Variants in TCF12 observed in about 807,000 individuals in gnomAD.
TCF12 encodes the protein DNA-binding protein HTF4.
TCF12 carries 45 observed loss-of-function variants against 86.0 expected under a neutral mutation model. That is an observed-to-expected ratio of 0.52 (90% confidence interval 0.41 to 0.67). The LOEUF (loss-of-function observed/expected upper bound fraction) is 0.67, where lower values mean the gene tolerates loss of function less well. Among genes scored for constraint, TCF12 ranks in the 30% least tolerant of loss-of-function variants. The pLI, the probability that TCF12 is intolerant of heterozygous loss-of-function variation, is 0.00. For synonymous variants in TCF12, 330 were observed against 299.6 expected (o/e 1.10, Z -1.05); for missense variants, 881 against 859.9 (o/e 1.02, Z -0.31).
chr15:57,127,586 A>G (rs2151324528), intron 5 of TCF12, among the ~76,000 whole-genome samples: 1 of 152,314 alleles, frequency 6.6e-6, no homozygotes, highest in East Asian at 1.9e-4. Context: ...CCTGTTACTG[A>G]GTTTGAGAAT....
intron 3 of TCF12, among the ~76,000 whole-genome samples, chr15:57,058,669 A>G (rs1234721846): frequency 6.6e-6 from 1 of 152,230 alleles, no homozygotes; most frequent in African/African-American, 2.4e-5. Flanking sequence ...CTAATGTTAT[A>G]TACTTTAGAT....
At chr15:57,050,577 T>A (rs2067542560) in intron 3 of TCF12, among the ~76,000 whole-genome samples, 1 of 152,196 alleles carries the variant, frequency 6.6e-6, no homozygotes, top group Non-Finnish European at 1.5e-5. Flanking sequence ...GTTCATTGGA[T>A]CTACAGTTTT....
At chr15:57,092,054 T>C in intron 5 of TCF12, 163 bp downstream of exon 5, 1 of 503,236 alleles carries the variant, frequency 2.0e-6, no homozygotes, top group Non-Finnish European at 3.5e-6. Context: ...GAGGATCAAA[T>C]GTCCAGAAAA....
chr15:56,992,241 A>T (rs1217868027), intron 3 of TCF12, among the ~76,000 whole-genome samples: 4 of 152,210 alleles, frequency 2.6e-5, no homozygotes, highest in African/African-American at 9.6e-5. Flanking sequence ...ACTGTAGTCT[A>T]GCCTGGGTGA....
intron 3 of TCF12, among the ~76,000 whole-genome samples, chr15:56,966,078 G>A (rs559632761): frequency 3.3e-5 from 5 of 152,120 alleles, no homozygotes; most frequent in Non-Finnish European, 7.4e-5. Context: ...TATGATGAAG[G>A]TTGAAAGGAA....
chr15:56,964,702 C>CT (rs1452820055), intron 3 of TCF12, among the ~76,000 whole-genome samples: 1 of 152,140 alleles, frequency 6.6e-6, no homozygotes, highest in African/African-American at 2.4e-5. Context: ...GTGTGTTGAA[C>CT]TTATTGCCTT....
intron 8 of TCF12, among the ~76,000 whole-genome samples, chr15:57,218,134 TA>T (rs1210679497): frequency 6.6e-6 from 1 of 152,164 alleles, no homozygotes; most frequent in Non-Finnish European, 1.5e-5. Context: ...GTTGGGGGGA[TA>T]GGGGGTCCCT....
intron 6 of TCF12, among the ~76,000 whole-genome samples, chr15:57,183,203 G>T (rs2056462088): frequency 6.6e-6 from 1 of 152,160 alleles, no homozygotes; most frequent in Non-Finnish European, 1.5e-5. Flanking sequence ...GAACACCCAT[G>T]TGAACTTCAT....
intron 5 of TCF12, among the ~76,000 whole-genome samples, chr15:57,114,579 T>C (rs1437348530): frequency 6.6e-6 from 1 of 152,140 alleles, no homozygotes; most frequent in African/African-American, 2.4e-5. Context: ...ATTACAGGTG[T>C]GAGCCACCAT....
At chr15:56,978,160 A>G (rs1467557907) in intron 3 of TCF12, among the ~76,000 whole-genome samples, 1 of 152,186 alleles carries the variant, frequency 6.6e-6, no homozygotes, top group Admixed American at 6.5e-5. Context: ...CAGCTTCAAT[A>G]CTGCAATGAT....
intron 4 of TCF12, among the ~76,000 whole-genome samples, chr15:57,071,654 C>T (rs1322758467): frequency 1.3e-5 from 2 of 152,058 alleles, no homozygotes; most frequent in African/African-American, 4.8e-5. Flanking sequence ...CAAACACAGC[C>T]CAAAAAACTT....
chr15:57,129,748 A>C (rs777536157), intron 5 of TCF12: 1 of 152,224 alleles, frequency 6.6e-6, no homozygotes. Flanking sequence ...GACATTTATT[A>C]AACGTTAATT....
rs777234282 is a variant in TCF12 at position 56,984,014 on chromosome 15, A to AAAAAAAAAAAAAAAAG, written c.148+62918_148+62919insAAAAAAAAAAAAAGAA. ...GAGACCCTGTCTCAAAAAAAAAAAA[A>AAAAAAAAAAAAAAAAG]AAGAAGAAGAAGAATTTTGGATCAA... On this transcript the variant is annotated intron_variant, in intron 3 of 20. Coordinates refer to ENST00000333725, the MANE Select transcript of TCF12 (RefSeq NM_207037.2). 3.5e-4 allele frequency among the ~76,000 whole-genome samples: 37 copies of AAAAAAAAAAAAAAAAG among 104,426 alleles called. 3 individuals are homozygous for AAAAAAAAAAAAAAAAG. The East Asian group carries it at 4.8e-3, about 14-fold the overall frequency. The allele number at this position is 104,426 out of a possible 152,430, so 68.5% of individuals were successfully genotyped here.
intron 5 of TCF12, among the ~76,000 whole-genome samples, chr15:57,121,878 A>T (rs1489134324): frequency 6.6e-6 from 1 of 152,118 alleles, no homozygotes; most frequent in East Asian, 1.9e-4. Flanking sequence ...CTTGGGGAAG[A>T]TTCTTTGGAG....
rs796858506 is a variant in TCF12, at chr15:57,056,865, A to G, written c.149-6885A>G. ...TCACTTTATTGAGCATAGTTACAGC[A>G]TCTGCTTTAATGTCCTTGTCTGAAA... On this transcript the variant is annotated intron_variant, in intron 3 of 20. Coordinates refer to ENST00000333725, the MANE Select transcript of TCF12 (RefSeq NM_207037.2). Among the ~76,000 whole-genome samples the G allele has an allele frequency of 4.7e-5, 7 of 150,228 alleles. 1 individual carries two copies. Among genetic ancestry groups the G allele is most frequent in the African/African-American group, 1.7e-4 (7 of 40,708 alleles).
At chr15:57,004,537 T>C (rs967070260) in intron 3 of TCF12, among the ~76,000 whole-genome samples, 26 of 152,120 alleles carry the variant, frequency 1.7e-4, no homozygotes, top group African/African-American at 6.3e-4. Context: ...GCCTCCTGAG[T>C]AGCTGGGACA....
At chr15:57,237,165 GTGTGTGTA>G (rs2059417170) in intron 12 of TCF12, among the ~76,000 whole-genome samples, 2 of 151,992 alleles carry the variant, frequency 1.3e-5, no homozygotes, top group African/African-American at 2.4e-5. Context: ...GTGTGTGTGT[GTGTGTGTA>G]TATGTATGTG....
intron 5 of TCF12, among the ~76,000 whole-genome samples, chr15:57,104,438 T>TTTC (rs1567431054): frequency 1.4e-5 from 2 of 140,094 alleles, no homozygotes; most frequent in Non-Finnish European, 3.1e-5. Context: ...TTTTTTTCTT[T>TTTC]TTTTTTTTTT....
chr15:57,123,671 G>T (rs1159794724), intron 5 of TCF12, among the ~76,000 whole-genome samples: 1 of 151,926 alleles, frequency 6.6e-6, no homozygotes, highest in African/African-American at 2.4e-5. Context: ...AAGTTTTAAG[G>T]CCGGGTGCAG....
Sources: gnomAD v4.1 joint callset for allele counts (sites outside exome capture counted in the v4.1 genomes callset) on GRCh38, gnomAD v4.1.1 for gene constraint, MANE v1.5 for transcripts, NCBI Gene and HGNC (gene_info 2026-07-23, HGNC 2026-07-21) for gene names.